GDI2: variants seen among roughly 807,000 people sequenced by gnomAD.
The protein encoded by GDI2 is GDP dissociation inhibitor 2.
A neutral mutation model predicts 54.2 loss-of-function variants in GDI2; 22 were observed. The ratio of observed to expected loss-of-function variants is 0.41; its 90% CI spans 0.29 to 0.58. The LOEUF (loss-of-function observed/expected upper bound fraction) is 0.58. Among genes scored for constraint, GDI2 ranks in the 20% least tolerant of loss-of-function variants. The probability of loss-of-function intolerance (pLI) is 0.35; values close to 1 mark genes in which losing one functional copy is unlikely to be tolerated. For missense variants in GDI2, 422 were observed against 546.0 expected (o/e 0.77, Z 2.26); for synonymous variants, 177 against 182.1 (o/e 0.97, Z 0.23).
intron 7 of GDI2, among the ~76,000 whole-genome samples, chr10:5,771,477 A>C (rs1411110219): frequency 6.6e-6 from 1 of 152,190 alleles, no homozygotes; most frequent in African/African-American, 2.4e-5. Context: ...TTTATGTGTG[A>C]CCCAAGACAA....
At chr10:5,810,204 A>C (rs1841457157) in intron 1 of GDI2, among the ~76,000 whole-genome samples, 1 of 152,258 alleles carries the variant, frequency 6.6e-6, no homozygotes, top group Admixed American at 6.5e-5. Flanking sequence ...GCAAGTTTTT[A>C]AACATATGAT....
chr10:5,789,179 C>T (rs1204461602), intron 4 of GDI2, among the ~76,000 whole-genome samples: 1 of 151,912 alleles, frequency 6.6e-6, no homozygotes, highest in Non-Finnish European at 1.5e-5. Flanking sequence ...AACCACAGCT[C>T]ACTGCAGCCA....
intron 4 of GDI2, among the ~76,000 whole-genome samples, chr10:5,793,807 T>C (rs1588981457): frequency 6.6e-6 from 1 of 151,994 alleles, no homozygotes; most frequent in Non-Finnish European, 1.5e-5. Flanking sequence ...GACGCTGAAA[T>C]AGGAAATGTT....
intron 1 of GDI2, among the ~76,000 whole-genome samples, chr10:5,803,103 G>GCTTTT (rs1841304894): frequency 6.6e-6 from 1 of 152,198 alleles, no homozygotes; most frequent in African/African-American, 2.4e-5. Flanking sequence ...TGTGAATTCA[G>GCTTTT]TTTTATTAAG....
chr10:5,768,231 G>C lies in GDI2; in HGVS notation c.973C>G (p.Gln325Glu), dbSNP rs1485203185. 1 of 1,612,924 alleles carries C rather than the reference G, an allele frequency of 6.2e-7. No individual in the cohort carries two copies. Among genetic ancestry groups the C allele is most frequent in the Non-Finnish European group, 8.5e-7 (1 of 1,179,026 alleles). Residue 325 changes from glutamine (Q) to glutamate (E), a missense_variant, in exon 8 of 11, where the codon CAA becomes GAA. By Grantham distance (29) the Gln-to-Glu change is conservative (BLOSUM62 2). Coordinates refer to ENST00000380191, the MANE Select transcript of GDI2 (RefSeq NM_001494.4). This position sits in a 1 kb window ranked among gnomAD's most constrained non-coding sequence, Gnocchi z 4.4. Reference sequence around the variant, plus strand: ...ACCTCACCTGACTTTCGATTGACTTGGTTCTGTGGAATAATGATCTGGCAG... The same window carrying C: ...ACCTCACCTGACTTTCGATTGACTTCGTTCTGTGGAATAATGATCTGGCAG... ...NSCQIIIPQNQVNRKSDIYVC... is the reference protein window; with the variant it reads ...NSCQIIIPQNEVNRKSDIYVC...
chr10:5,766,351 T>TG lies in GDI2; in HGVS notation c.1137-57dup. 6.6e-7 allele frequency: 1 copy of TG among 1,510,610 alleles called. No individual in the cohort carries two copies. The highest frequency in any genetic ancestry group is 1.1e-5 in the South Asian group (1 of 89,010). 93.6% of individuals were successfully genotyped at this position (1,510,610 alleles called of 1,614,324 possible). On this transcript the variant is annotated intron_variant, in intron 9 of 10. Coordinates refer to ENST00000380191, the MANE Select transcript of GDI2 (RefSeq NM_001494.4). This position sits in a 1 kb window ranked among gnomAD's most constrained non-coding sequence, Gnocchi z 5.8. ...CTGGTCCCACACCTGACCATGGCTC[T>TG]GCCTGAGGTCAACTGAGAGGTACAG...
chr10:5,797,334 C>A (rs1456721544), intron 2 of GDI2, among the ~76,000 whole-genome samples: 2 of 151,966 alleles, frequency 1.3e-5, no homozygotes, highest in Non-Finnish European at 2.9e-5. Context: ...ATCAGGAGGT[C>A]AGGAGTACAA....
intron 8 of GDI2, among the ~76,000 whole-genome samples, chr10:5,767,023 G>A (rs1287312321): frequency 3.9e-5 from 6 of 152,126 alleles, no homozygotes; most frequent in South Asian, 2.1e-4. Flanking sequence ...TAGTACTGAC[G>A]TCCTCATTTA....
intron 4 of GDI2, among the ~76,000 whole-genome samples, chr10:5,792,782 C>T (rs1461857155): frequency 6.6e-6 from 1 of 150,734 alleles, no homozygotes; most frequent in Non-Finnish European, 1.5e-5. Flanking sequence ...GAGACCAAGA[C>T]TCGAAATATA....
intron 7 of GDI2, among the ~76,000 whole-genome samples, chr10:5,770,876 G>A (rs1300603397): frequency 7.0e-6 from 1 of 141,856 alleles, no homozygotes; most frequent in African/African-American, 2.7e-5. Flanking sequence ...TGAGGCAGGA[G>A]AATTGCTTGA....
At chr10:5,780,679 C>CTG (rs1840735486) in intron 6 of GDI2, among the ~76,000 whole-genome samples, 1 of 152,150 alleles carries the variant, frequency 6.6e-6, no homozygotes, top group Non-Finnish European at 1.5e-5. Flanking sequence ...ATACAAAATA[C>CTG]ATTAACAGCG....
intron 4 of GDI2, among the ~76,000 whole-genome samples, chr10:5,792,079 G>GA (rs555728064): frequency 6.6e-6 from 1 of 151,320 alleles, no homozygotes; most frequent in Non-Finnish European, 1.5e-5. Context: ...ATTTACTTTG[G>GA]AAAAAAAAGA....
intron 6 of GDI2, among the ~76,000 whole-genome samples, chr10:5,784,283 ATTATT>A (rs757608525): frequency 8.2e-4 from 124 of 152,122 alleles, no homozygotes; most frequent in Admixed American, 1.8e-3. Context: ...AGAAGTTGTG[ATTATT>A]TATTTATGCT....
chr10:5,775,996 C>A (rs1163333057), intron 6 of GDI2: 2 of 181,932 alleles, frequency 1.1e-5, no homozygotes, highest in South Asian at 1.0e-4. Context: ...TCCCTGCAGT[C>A]CCCTCCATGT....
rs188567691 is a variant in GDI2, at chr10:5,788,917, C to G, written c.389-2867G>C. Among the ~76,000 whole-genome samples the G allele has an allele frequency of 2.1e-4, 32 of 152,270 alleles. 1 individual carries two copies. The East Asian group carries it at 6.2e-3, about 29-fold the overall frequency. On this transcript the variant is annotated intron_variant, in intron 4 of 10. Coordinates refer to ENST00000380191, the MANE Select transcript of GDI2 (RefSeq NM_001494.4). ...AGCTAGGATTAAAGGCATGCACCAT[C>G]AGACCTGGCTAATTTTTTTTTGTAT... is the stretch of plus-strand genomic sequence containing the variant.
chr10:5,804,832 C>CT (rs35051449), intron 1 of GDI2, among the ~76,000 whole-genome samples: 19,451 of 142,488 alleles, frequency 0.14, 1,411 homozygotes, highest in East Asian at 0.25. Flanking sequence ...CTATCTGGAG[C>CT]TTTTTTTTTT....
chr10:5,792,521 C>T (rs1841040047), intron 4 of GDI2, among the ~76,000 whole-genome samples: 1 of 152,128 alleles, frequency 6.6e-6, no homozygotes, highest in Non-Finnish European at 1.5e-5. Context: ...TTGCCTGCAA[C>T]TCAAGATTTC....
intron 1 of GDI2, 123 bp downstream of exon 1, chr10:5,813,091 C>T: frequency 1.7e-6 from 1 of 587,302 alleles, no homozygotes; most frequent in Non-Finnish European, 2.8e-6. Context: ...CGACTCCCGT[C>T]CCGAAAACTA....
rs1032488693 is a variant in GDI2 at position 5,774,297 on chromosome 10, T to G, written c.720-356A>C. ...AGTCTCTCCTTCTACCTTATGCCCC[T>G]TGGTCATTCTTTCTTCTGAGGAGAA... On this transcript the variant is annotated intron_variant, in intron 6 of 10. Coordinates refer to ENST00000380191, the MANE Select transcript of GDI2 (RefSeq NM_001494.4). This position sits in a 1 kb window ranked among gnomAD's most constrained non-coding sequence, Gnocchi z 4.8. 6.6e-6 allele frequency among the ~76,000 whole-genome samples: 1 copy of G among 152,152 alleles called. No homozygotes were observed. Among genetic ancestry groups the G allele is most frequent in the African/African-American group, 2.4e-5 (1 of 41,422 alleles).
Sources: allele counts gnomAD v4.1 joint callset (sites outside exome capture counted in the v4.1 genomes callset), GRCh38; gene constraint gnomAD v4.1.1; non-coding constraint Gnocchi (gnomAD v3.1); transcripts MANE v1.5; gene names NCBI Gene and HGNC (gene_info 2026-07-23, HGNC 2026-07-21).